Variants in TCF4 observed in about 807,000 individuals in gnomAD.
TCF4 encodes SL3-3 enhancer factor 2.
A neutral mutation model predicts 82.1 loss-of-function variants in TCF4; 3 were observed. The observed-to-expected ratio is 0.04, with a 90% CI of 0.02 to 0.09. The LOEUF is 0.09. Ranked by LOEUF, TCF4 falls within the 10% of genes least tolerant of loss-of-function variation. TCF4 has a pLI of 1.00. For synonymous variants in TCF4, 276 were observed against 309.6 expected, an observed-to-expected ratio of 0.89 and a Z score of 1.14; for missense variants, 518 against 852.7, an observed-to-expected ratio of 0.61 and a Z score of 4.89.
At chr18:55,248,505 C>T (rs976436060) in intron 15 of TCF4, among the ~76,000 whole-genome samples, 5 of 152,196 alleles carry the variant, frequency 3.3e-5, no homozygotes, top group African/African-American at 1.2e-4. Context: ...CACATCAATG[C>T]CCACTACCCT....
At chr18:55,320,356 A>C (rs1427680118) in intron 8 of TCF4, among the ~76,000 whole-genome samples, 1 of 152,240 alleles carries the variant, frequency 6.6e-6, no homozygotes, top group African/African-American at 2.4e-5. Flanking sequence ...AAAATAGGAT[A>C]GCGCTATGAA....
chr18:55,331,214 C>T (rs188931544), intron 8 of TCF4, among the ~76,000 whole-genome samples: 1 of 152,210 alleles, frequency 6.6e-6, no homozygotes, highest in East Asian at 1.9e-4. Flanking sequence ...AGCTGCAAGA[C>T]AGAAGCTCAG....
intron 5 of TCF4, among the ~76,000 whole-genome samples, chr18:55,442,773 G>A (rs774563998): frequency 3.4e-4 from 51 of 152,108 alleles, no homozygotes; most frequent in Non-Finnish European, 4.0e-4. Flanking sequence ...GGAAATGACC[G>A]GAACAGAAGC....
At chr18:55,514,775 AAT>A (rs2096864565) in intron 3 of TCF4, among the ~76,000 whole-genome samples, 1 of 152,132 alleles carries the variant, frequency 6.6e-6, no homozygotes, top group South Asian at 2.1e-4. Flanking sequence ...CACACGTAAA[AAT>A]ATATGGATGC....
rs750130851 is a variant in TCF4, at chr18:55,350,998, A to C, written c.375T>G (p.Ser125Arg). 1 of 1,613,132 alleles carries C rather than the reference A, an allele frequency of 6.2e-7. No individual in the cohort carries two copies. Among genetic ancestry groups the C allele is most frequent in the South Asian group, 1.1e-5 (1 of 91,048 alleles). The change falls in exon 7 of 20, where the codon AGT becomes AGG. Residue 125 changes from serine (S) to arginine (R), a missense_variant. Physicochemically the swap from Ser to Arg is moderately radical, Grantham distance 110. Transcript: ENST00000354452. ...ESNLQGCHQQ[S>R]LLGGDMDMGN... ...CCATATCCATGTCACCTCCAAGGAG[A>C]CTCTGCTAAAAGGTTAAAAAGGGAA...
chr18:55,446,750 C>T (rs999165866), intron 5 of TCF4, among the ~76,000 whole-genome samples: 4 of 151,840 alleles, frequency 2.6e-5, no homozygotes, highest in South Asian at 2.1e-4. Flanking sequence ...TTTGGGAGGC[C>T]GAGGCAGGCG....
intron 16 of TCF4, chr18:55,234,284 A>G: frequency 1.7e-6 from 1 of 577,492 alleles, no homozygotes; most frequent in Non-Finnish European, 3.1e-6. Context: ...CTAAAATAAA[A>G]TTTCCTCTCA....
rs1453005075 is a variant in TCF4 at position 55,350,499 on chromosome 18, A to G, written c.500-91T>C. ...CACAAAGACTTCTAGATGATACCAC[A>G]TTTCCTTAAATCATTACCTTAGCAA... On this transcript the variant is annotated intron_variant, in intron 7 of 19. Coordinates refer to ENST00000354452, the MANE Select transcript of TCF4 (RefSeq NM_001083962.2). 379 of 1,305,472 alleles carry G rather than the reference A, an allele frequency of 2.9e-4. 2 individuals are homozygous for G. The highest frequency in any genetic ancestry group is 1.7e-4 in the Non-Finnish European group (152 of 908,854). The allele number at this position is 1,305,472 out of a possible 1,614,324, so 80.9% of individuals were successfully genotyped here.
chr18:55,322,966 G>T (rs1406885050), intron 8 of TCF4, among the ~76,000 whole-genome samples: 4 of 152,118 alleles, frequency 2.6e-5, no homozygotes, highest in Non-Finnish European at 5.9e-5. Context: ...ACTAAACTTC[G>T]ATTTTGCTAA....
intron 15 of TCF4, among the ~76,000 whole-genome samples, chr18:55,243,668 C>T (rs1425144454): frequency 6.6e-6 from 1 of 151,964 alleles, no homozygotes; most frequent in South Asian, 2.1e-4. Context: ...CATGAAAGGT[C>T]TTTTTGCAAG....
intron 3 of TCF4, among the ~76,000 whole-genome samples, chr18:55,502,354 C>A (rs1022900370): frequency 2.0e-5 from 3 of 152,192 alleles, no homozygotes; most frequent in Non-Finnish European, 4.4e-5. Context: ...TTGCTCACTG[C>A]AGTTTCATAT....
chr18:55,453,886 C>T (rs1476802657), intron 5 of TCF4, among the ~76,000 whole-genome samples: 1 of 151,582 alleles, frequency 6.6e-6, no homozygotes, highest in Admixed American at 6.6e-5. Flanking sequence ...TGGGGTCTCT[C>T]TCTGTCACCC....
intron 5 of TCF4, among the ~76,000 whole-genome samples, chr18:55,436,369 C>G (rs1008172391): frequency 1.3e-5 from 2 of 152,010 alleles, no homozygotes; most frequent in Non-Finnish European, 2.9e-5. Context: ...TCAACTTCCC[C>G]AAAATTCTCA....
intron 8 of TCF4, chr18:55,332,045 T>C (rs544564744): frequency 3.3e-5 from 5 of 151,916 alleles, no homozygotes; most frequent in African/African-American, 7.2e-5. Context: ...ATGCCACTTA[T>C]TATGTGTGAT....
chr18:55,592,387 T>C (rs1416063411), upstream of TCF4, among the ~76,000 whole-genome samples: 1 of 152,106 alleles, frequency 6.6e-6, no homozygotes, highest in Non-Finnish European at 1.5e-5. Context: ...GGCTTGCAAA[T>C]GATTACCTTC....
At chr18:55,582,880 A>G (rs1188830650) in intron 3 of TCF4, among the ~76,000 whole-genome samples, 1 of 152,158 alleles carries the variant, frequency 6.6e-6, no homozygotes, top group African/African-American at 2.4e-5. Flanking sequence ...AGGTAAATTT[A>G]GAAAATTATT....
At chr18:55,362,651 T>C (rs2085779882) in intron 6 of TCF4, among the ~76,000 whole-genome samples, 1 of 152,234 alleles carries the variant, frequency 6.6e-6, no homozygotes. Context: ...AGAAAGATGC[T>C]GTTAAAATAA....
At chr18:55,619,355 T>G (rs2097715430) in intron 2 of TCF4, among the ~76,000 whole-genome samples, 2 of 152,208 alleles carry the variant, frequency 1.3e-5, no homozygotes, top group South Asian at 4.1e-4. Flanking sequence ...CTTATTTTCC[T>G]TTTAATATTT....
At chr18:55,602,326 C>G (rs527266164) in intron 2 of TCF4, among the ~76,000 whole-genome samples, 5 of 152,306 alleles carry the variant, frequency 3.3e-5, no homozygotes, top group Non-Finnish European at 7.4e-5. Context: ...TATCCACGCC[C>G]TCAACTCTCC....
Sources: gnomAD v4.1 joint callset for allele counts (sites outside exome capture counted in the v4.1 genomes callset) on GRCh38, gnomAD v4.1.1 for gene constraint, MANE v1.5 for transcripts, NCBI Gene and HGNC (gene_info 2026-07-23, HGNC 2026-07-21) for gene names.